Variants in CDH7 observed in about 807,000 individuals in gnomAD.
CDH7 encodes the protein cadherin 7.
A neutral mutation model predicts 71.8 loss-of-function variants in CDH7; 25 were observed. The observed-to-expected ratio is 0.35, with a 90% CI of 0.25 to 0.49. CDH7 has a LOEUF of 0.49. CDH7 is among the 20% of genes least tolerant of loss of function. CDH7 has a pLI of 0.99. For missense variants in CDH7, 862 were observed against 974.6 expected (o/e 0.88, Z 1.54); for synonymous variants, 381 against 363.8 (o/e 1.05, Z -0.54).
chr18:65,802,866 T>C (rs1911175042), intron 2 of CDH7, among the ~76,000 whole-genome samples: 1 of 152,184 alleles, frequency 6.6e-6, no homozygotes, highest in African/African-American at 2.4e-5. Context: ...TGCTGTCTTT[T>C]GGTCCCTGAT....
chr18:65,783,173 C>G (rs1910377188), intron 2 of CDH7, among the ~76,000 whole-genome samples: 1 of 152,164 alleles, frequency 6.6e-6, no homozygotes, highest in Non-Finnish European at 1.5e-5. Context: ...AATATCAACT[C>G]TATCTATTCA....
At chr18:65,827,757 G>A (rs1245643906) in intron 6 of CDH7, among the ~76,000 whole-genome samples, 1 of 151,876 alleles carries the variant, frequency 6.6e-6, no homozygotes, top group Admixed American at 6.6e-5. Context: ...GTAAAATGAT[G>A]TATAGCAACA....
intron 7 of CDH7, among the ~76,000 whole-genome samples, chr18:65,852,234 G>T (rs1913175832): frequency 6.6e-6 from 1 of 152,134 alleles, no homozygotes; most frequent in Admixed American, 6.6e-5. Context: ...TAGTATGCTG[G>T]AAAACTGGCT....
intron 2 of CDH7, among the ~76,000 whole-genome samples, chr18:65,798,924 C>G (rs371029821): frequency 3.9e-5 from 6 of 152,114 alleles, no homozygotes; most frequent in South Asian, 4.2e-4. Flanking sequence ...AGAGTCAGCC[C>G]CTTGCACACT....
chr18:65,803,874 ACAC>A (rs1420042605), intron 2 of CDH7: 9 of 150,440 alleles, frequency 6.0e-5, no homozygotes, highest in Admixed American at 2.0e-4. Flanking sequence ...AAAAAAAAGA[ACAC>A]ACACACTTTT....
chr18:65,846,852 C>T lies in CDH7; in HGVS notation c.1235+2787C>T, dbSNP rs530912844. On this transcript the variant is annotated intron_variant, in intron 7 of 11. Coordinates refer to ENST00000397968, the MANE Select transcript of CDH7 (RefSeq NM_004361.5). ...AATAAGAGCGAGAAAGTAAATGAAG[C>T]TTTTAAACTGTGAATCATGACTTGA... 3.3e-5 allele frequency among the ~76,000 whole-genome samples: 5 copies of T among 152,198 alleles called. No individual in the cohort carries two copies. The East Asian group carries it at 9.7e-4, about 29-fold the overall frequency.
chr18:65,784,497 G>A (rs1223615696), intron 2 of CDH7, among the ~76,000 whole-genome samples: 1 of 152,056 alleles, frequency 6.6e-6, no homozygotes, highest in Non-Finnish European at 1.5e-5. Flanking sequence ...CAAAGTTGGT[G>A]AATTATCTGA....
intron 1 of CDH7, among the ~76,000 whole-genome samples, chr18:65,757,594 A>T (rs181668108): frequency 2.6e-5 from 4 of 151,730 alleles, no homozygotes; most frequent in South Asian, 4.2e-4. Flanking sequence ...ATCTTCCTCA[A>T]TTTTTTTTCC....
At chr18:65,786,015 G>C (rs571302221) in intron 2 of CDH7, among the ~76,000 whole-genome samples, 1 of 152,180 alleles carries the variant, frequency 6.6e-6, no homozygotes, top group African/African-American at 2.4e-5. Context: ...GCAGCTTTTG[G>C]TTCCCTAGGC....
intron 2 of CDH7, among the ~76,000 whole-genome samples, chr18:65,773,347 A>G (rs1916601633): frequency 6.6e-6 from 1 of 152,182 alleles, no homozygotes; most frequent in African/African-American, 2.4e-5. Flanking sequence ...CTAAAAAGAA[A>G]GAATATATTG....
At position 65,763,108 on chromosome 18, in the gene CDH7, T is replaced by G. The variant is rs2276191; in HGVS notation, c.210+56T>G. On this transcript the variant is annotated intron_variant, in intron 2 of 11. Coordinates refer to ENST00000397968, the MANE Select transcript of CDH7 (RefSeq NM_004361.5). The stretch of plus-strand genomic sequence containing the variant: ...ATGATTATTGTCCATGTCTATGGTT[T>G]GATGAAAAACTGCTATATATATATA... 0.32 allele frequency: 386,070 copies of G among 1,224,076 alleles called. 66,445 individuals carry two copies. The highest frequency in any genetic ancestry group is 0.57 in the African/African-American group (37,545 of 65,524). The allele number at this position is 1,224,076 out of a possible 1,614,324, so 75.8% of individuals were successfully genotyped here.
chr18:65,787,962 T>C (rs1910574211), intron 2 of CDH7, among the ~76,000 whole-genome samples: 1 of 152,174 alleles, frequency 6.6e-6, no homozygotes, highest in African/African-American at 2.4e-5. Context: ...ATTTACTTTT[T>C]AACAGATTAA....
At chr18:65,807,723 T>G (rs991932366) in intron 2 of CDH7, among the ~76,000 whole-genome samples, 1 of 152,176 alleles carries the variant, frequency 6.6e-6, no homozygotes, top group Non-Finnish European at 1.5e-5. Context: ...GGGAGTCAAG[T>G]CTTTTGCTAT....
At chr18:65,764,628 T>C (rs951624752) in intron 2 of CDH7, among the ~76,000 whole-genome samples, 1 of 152,048 alleles carries the variant, frequency 6.6e-6, no homozygotes, top group Non-Finnish European at 1.5e-5. Flanking sequence ...TCCAATTTTC[T>C]TAAATGGACA....
At chr18:65,867,081 G>C (rs963426398) in intron 11 of CDH7, among the ~76,000 whole-genome samples, 2 of 148,990 alleles carry the variant, frequency 1.3e-5, no homozygotes, top group Non-Finnish European at 3.0e-5. Context: ...TTTCACCCAG[G>C]CTGGAGTGCA....
chr18:65,856,744 T>G (rs748160036), intron 7 of CDH7, among the ~76,000 whole-genome samples: 4 of 152,080 alleles, frequency 2.6e-5, no homozygotes, highest in Non-Finnish European at 5.9e-5. Flanking sequence ...TAATTGTTTG[T>G]TTTTGAATGA....
chr18:65,887,255 C>A lies in CDH7; in HGVS notation c.*6361C>A, dbSNP rs1418680347. ...CTGTATATGACCAATACTTTAAGAACAATCAAGTTTTTTTATTATTATTAT... is the reference window on the plus strand; with the variant it reads ...CTGTATATGACCAATACTTTAAGAAAAATCAAGTTTTTTTATTATTATTAT... On this transcript the variant is annotated 3_prime_UTR_variant, in exon 12 of 12. Transcript: ENST00000397968. 6 of 151,898 alleles carry A rather than the reference C, an allele frequency of 4.0e-5. No homozygotes were observed. Among genetic ancestry groups the A allele is most frequent in the African/African-American group, 1.2e-4 (5 of 41,350 alleles). The allele number at this position is 151,898 out of a possible 1,614,324, so 9.4% of individuals were successfully genotyped here. A position where few individuals can be genotyped will look rare whatever the true frequency, so the allele number is the denominator to read the frequency against.
intron 2 of CDH7, among the ~76,000 whole-genome samples, chr18:65,797,566 G>A (rs922768441): frequency 2.0e-5 from 3 of 152,100 alleles, no homozygotes; most frequent in Non-Finnish European, 2.9e-5. Flanking sequence ...GTCACCTGGG[G>A]CAGAGTATAG....
chr18:65,796,640 T>G (rs1910927019), intron 2 of CDH7, among the ~76,000 whole-genome samples: 1 of 152,076 alleles, frequency 6.6e-6, no homozygotes, highest in South Asian at 2.1e-4. Context: ...AAAGTAAAGA[T>G]CAGACAAAGT....
Sources: allele counts gnomAD v4.1 joint callset (sites outside exome capture counted in the v4.1 genomes callset), GRCh38; gene constraint gnomAD v4.1.1; transcripts MANE v1.5; gene names NCBI Gene and HGNC (gene_info 2026-07-23, HGNC 2026-07-21).